NOL4: variants seen among roughly 807,000 people sequenced by gnomAD.
NOL4 encodes cancer/testis antigen 125.
Under a neutral mutation model 75.9 loss-of-function variants are expected in NOL4, and 17 were observed. The observed-to-expected ratio is 0.22, with a 90% CI of 0.15 to 0.34. The LOEUF (loss-of-function observed/expected upper bound fraction) is 0.34, where lower values mean the gene tolerates loss of function less well. NOL4 is among the 10% of genes least tolerant of loss of function. NOL4 has a pLI of 1.00. For synonymous variants in NOL4, 292 were observed against 289.9 expected (o/e 1.01, Z -0.07); for missense variants, 614 against 793.5 (o/e 0.77, Z 2.72).
intron 10 of NOL4, among the ~76,000 whole-genome samples, chr18:33,872,033 TAAG>T (rs2063724695): frequency 1.3e-5 from 2 of 151,932 alleles, no homozygotes; most frequent in Admixed American, 6.6e-5. Flanking sequence ...AATTTACAAA[TAAG>T]AATCATCTCT....
At chr18:34,187,962 C>G (rs1269988033) in intron 1 of NOL4, among the ~76,000 whole-genome samples, 1 of 152,088 alleles carries the variant, frequency 6.6e-6, no homozygotes, top group African/African-American at 2.4e-5. Context: ...TTGTATTGCT[C>G]CACATCCTCA....
At chr18:34,016,838 T>A (rs1228611996) in intron 6 of NOL4, among the ~76,000 whole-genome samples, 1 of 152,122 alleles carries the variant, frequency 6.6e-6, no homozygotes, top group African/African-American at 2.4e-5. Flanking sequence ...CATTTACATA[T>A]TTTTGCTTCC....
intron 10 of NOL4, among the ~76,000 whole-genome samples, chr18:33,877,191 T>G (rs1356577133): frequency 6.6e-6 from 1 of 151,986 alleles, no homozygotes; most frequent in Non-Finnish European, 1.5e-5. Context: ...TGTTATTGGT[T>G]GCTGTGTCCT....
chr18:34,006,463 T>A (rs2074032832), intron 6 of NOL4, among the ~76,000 whole-genome samples: 1 of 152,000 alleles, frequency 6.6e-6, no homozygotes, highest in Non-Finnish European at 1.5e-5. Flanking sequence ...CAGACACCAA[T>A]ACTGAGCCCT....
chr18:33,875,793 T>C (rs2063907416), intron 10 of NOL4, among the ~76,000 whole-genome samples: 2 of 152,112 alleles, frequency 1.3e-5, no homozygotes, highest in Non-Finnish European at 2.9e-5. Context: ...ACTTGCTATA[T>C]GTCTGACCTT....
At chr18:34,003,845 A>T (rs2073880034) in intron 6 of NOL4, among the ~76,000 whole-genome samples, 1 of 151,984 alleles carries the variant, frequency 6.6e-6, no homozygotes. Context: ...TTAACCTGAA[A>T]CCTAGTTCAG....
intron 1 of NOL4, among the ~76,000 whole-genome samples, chr18:34,170,115 A>G (rs2032869810): frequency 6.6e-6 from 1 of 152,096 alleles, no homozygotes; most frequent in Non-Finnish European, 1.5e-5. Context: ...GTCAGTAGCA[A>G]CATGTGGGTA....
At chr18:34,202,311 C>A (rs1435680007) in intron 1 of NOL4, among the ~76,000 whole-genome samples, 3 of 151,840 alleles carry the variant, frequency 2.0e-5, no homozygotes, top group African/African-American at 7.2e-5. Context: ...CCCTGTTAGT[C>A]CATTAGACTG....
At chr18:33,994,327 A>C (rs1286544098) in intron 6 of NOL4, among the ~76,000 whole-genome samples, 1 of 151,778 alleles carries the variant, frequency 6.6e-6, no homozygotes, top group Non-Finnish European at 1.5e-5. Flanking sequence ...CATTGATAGA[A>C]CATTCTACCC....
chr18:34,146,080 G>T (rs1364858434), intron 1 of NOL4, among the ~76,000 whole-genome samples: 1 of 152,002 alleles, frequency 6.6e-6, no homozygotes, highest in Non-Finnish European at 1.5e-5. Context: ...CTGGCTAAGT[G>T]AGCTTTACTT....
intron 8 of NOL4, among the ~76,000 whole-genome samples, chr18:33,944,091 TGAG>T (rs1470044588): frequency 1.3e-5 from 2 of 151,838 alleles, no homozygotes; most frequent in African/African-American, 4.8e-5. Context: ...TTAAACCAAA[TGAG>T]GTAGTAAAAT....
At chr18:34,162,419 C>A (rs190643799) in intron 1 of NOL4, among the ~76,000 whole-genome samples, 2 of 152,204 alleles carry the variant, frequency 1.3e-5, no homozygotes, top group Admixed American at 1.3e-4. Flanking sequence ...ACTACCAATC[C>A]CACAGAAATA....
chr18:33,887,576 C>T (rs2064827546), intron 9 of NOL4, among the ~76,000 whole-genome samples: 2 of 151,600 alleles, frequency 1.3e-5, no homozygotes, highest in Non-Finnish European at 3.0e-5. Flanking sequence ...CCCCAGCCCC[C>T]ACCCCCTGAC....
At chr18:34,101,336 T>A (rs1286441028) in intron 4 of NOL4, among the ~76,000 whole-genome samples, 1 of 152,164 alleles carries the variant, frequency 6.6e-6, no homozygotes, top group African/African-American at 2.4e-5. Context: ...TTAGACATAT[T>A]TTCTTTAGCT....
At chr18:34,002,752 A>T (rs760511853) in intron 6 of NOL4, among the ~76,000 whole-genome samples, 2 of 152,112 alleles carry the variant, frequency 1.3e-5, no homozygotes, top group Non-Finnish European at 2.9e-5. Context: ...TTAAATAAGA[A>T]TTTGCAATAC....
At chr18:34,123,145 C>A (rs1322217469) in intron 2 of NOL4, among the ~76,000 whole-genome samples, 2 of 148,446 alleles carry the variant, frequency 1.3e-5, no homozygotes, top group African/African-American at 2.5e-5. Context: ...GTCTCCACTA[C>A]CAAGAAGACA....
chr18:33,930,567 T>C (rs1391921804), intron 9 of NOL4, among the ~76,000 whole-genome samples: 3 of 152,166 alleles, frequency 2.0e-5, no homozygotes, highest in African/African-American at 2.4e-5. Context: ...AGTAGATAGA[T>C]GGTTGAGTGT....
At chr18:33,976,248 T>C (rs1568156970) in intron 6 of NOL4, among the ~76,000 whole-genome samples, 1 of 152,138 alleles carries the variant, frequency 6.6e-6, no homozygotes, top group Non-Finnish European at 1.5e-5. Context: ...TATATGGTTA[T>C]TGAAGGTTTT....
rs185195157 is a variant in NOL4, at chr18:34,072,043, C to G, written c.772+21422G>C. 5.7e-3 allele frequency among the ~76,000 whole-genome samples: 873 copies of G among 152,116 alleles called. 6 individuals are homozygous for G. Among genetic ancestry groups the G allele is most frequent in the Non-Finnish European group, 9.1e-3 (621 of 67,986 alleles). On this transcript the variant is annotated intron_variant, in intron 5 of 10. Transcript: ENST00000261592. ...GTCAGGAGTTCGAGACCAGCCTGAC[C>G]AAGATGGTGAAACCACATCTCTATT...
Sources: allele counts gnomAD v4.1 joint callset (sites outside exome capture counted in the v4.1 genomes callset), GRCh38; gene constraint gnomAD v4.1.1; transcripts MANE v1.5; gene names NCBI Gene and HGNC (gene_info 2026-07-23, HGNC 2026-07-21).